The following MED4 variants were observed in gnomAD, a reference collection of about 807,000 sequenced individuals.
MED4 encodes the protein mediator of RNA polymerase II transcription subunit 4.
MED4 carries 21 observed loss-of-function variants against 35.0 expected under a neutral mutation model. The observed-to-expected ratio is 0.60, with a 90% CI of 0.43 to 0.86. The LOEUF (loss-of-function observed/expected upper bound fraction) is 0.86, where lower values mean the gene tolerates loss of function less well. MED4 is among the 40% of genes least tolerant of loss of function. The pLI, the probability that MED4 is intolerant of heterozygous loss-of-function variation, is 0.00. For synonymous variants in MED4, 138 were observed against 114.0 expected (o/e 1.21, Z -1.34); for missense variants, 300 against 319.4 (o/e 0.94, Z 0.46).
intron 4 of MED4, among the ~76,000 whole-genome samples, chr13:48,082,552 G>A (rs1404593457): frequency 6.6e-6 from 1 of 152,206 alleles, no homozygotes; most frequent in Non-Finnish European, 1.5e-5. Context: ...ATTTGGCTGG[G>A]CGCAGTGGCT....
At chr13:48,092,922 G>A (rs749676829) in intron 1 of MED4, among the ~76,000 whole-genome samples, 8 of 152,100 alleles carry the variant, frequency 5.3e-5, no homozygotes, top group Non-Finnish European at 1.0e-4. Context: ...TGCCTTAGGC[G>A]CCGGAGTAGA....
At chr13:48,090,105 A>T (rs1950880287) in intron 2 of MED4, among the ~76,000 whole-genome samples, 1 of 152,210 alleles carries the variant, frequency 6.6e-6, no homozygotes, top group South Asian at 2.1e-4. Flanking sequence ...TGTGACTAGA[A>T]TTGTAAGAGA....
Position 48,094,999 on chromosome 13 carries a change from C to A in MED4, c.80G>T (p.Arg27Leu), listed in dbSNP as rs1249248296. 6.2e-7 allele frequency: 1 copy of A among 1,604,104 alleles called. No homozygotes were observed. The highest frequency in any genetic ancestry group is 1.7e-5 in the Admixed American group (1 of 60,016). ...GLGVAGGNST[R>L]ERLLSALEDL... ...CTCAAGCGCAGACAGCAGCCGCTCT[C>A]GTGTGCTGTTACCACCCGCCACTCC... The change falls in exon 1 of 7, where the codon CGA becomes CTA. Residue 27 changes from arginine to leucine, a missense_variant. Arg to Leu is a moderately radical substitution (Grantham distance 102). Transcript: ENST00000258648.
At chr13:48,092,209 A>G (rs1950894667) in intron 1 of MED4, among the ~76,000 whole-genome samples, 1 of 152,246 alleles carries the variant, frequency 6.6e-6, no homozygotes, top group African/African-American at 2.4e-5. Flanking sequence ...CCGGGTTCAA[A>G]GAATTCTCCT....
chr13:48,086,366 C>T lies in MED4; in HGVS notation c.279G>A (p.Met93Ile). 1 of 1,613,568 alleles carries T rather than the reference C, an allele frequency of 6.2e-7. No individual in the cohort carries two copies. Among genetic ancestry groups the T allele is most frequent in the Non-Finnish European group, 8.5e-7 (1 of 1,179,826 alleles). Reference protein sequence around the residue: ...ALNQGKIHHEMQVLEKEVEKR... With the variant: ...ALNQGKIHHEIQVLEKEVEKR... Reference sequence around the variant, plus strand: ...TCTCTACTTCTTTTTCTAAAACTTGCATTTCATGATGAATTTTTCCCTGAT... The same window carrying T: ...TCTCTACTTCTTTTTCTAAAACTTGTATTTCATGATGAATTTTTCCCTGAT... The change falls in exon 3 of 7, where the codon ATG becomes ATA. Residue 93 changes from methionine (M) to isoleucine (I), a missense_variant. Coordinates refer to ENST00000258648, the MANE Select transcript of MED4 (RefSeq NM_014166.4).
intron 5 of MED4, among the ~76,000 whole-genome samples, chr13:48,080,756 C>A (rs1335407402): frequency 2.0e-5 from 3 of 147,590 alleles, no homozygotes; most frequent in Non-Finnish European, 4.5e-5. Context: ...TTTTTTTTTA[C>A]ATTTTTCATC....
At chr13:48,093,771 T>A in intron 1 of MED4, 3 of 230,926 alleles carry the variant, frequency 1.3e-5, no homozygotes, top group Non-Finnish European at 2.7e-5. Flanking sequence ...TTTTCTTCCA[T>A]CATTAAATAT....
chr13:48,081,614 A>G (rs41287445), intron 5 of MED4, 31 bp downstream of exon 5: 3 of 1,496,630 alleles, frequency 2.0e-6, no homozygotes, highest in Non-Finnish European at 2.8e-6. Context: ...AAAACCACAT[A>G]TATCTAGTAT....
intron 4 of MED4, 35 bp from the exon 5 acceptor site, chr13:48,081,766 G>C (rs758319910): frequency 2.2e-6 from 3 of 1,339,856 alleles, no homozygotes; most frequent in South Asian, 2.7e-5. Context: ...ATAACCTGTA[G>C]TCTAACAAAC....
chr13:48,093,317 C>T (rs1211206317), intron 1 of MED4, among the ~76,000 whole-genome samples: 1 of 152,064 alleles, frequency 6.6e-6, no homozygotes, highest in Non-Finnish European at 1.5e-5. Flanking sequence ...AGACTATCTC[C>T]TTGCATTACA....
chr13:48,086,390 A>G lies in MED4; in HGVS notation c.255T>C (p.Asn85=). 6.2e-7 allele frequency: 1 copy of G among 1,613,132 alleles called. No individual in the cohort carries two copies. Among genetic ancestry groups the G allele is most frequent in the Non-Finnish European group, 8.5e-7 (1 of 1,179,776 alleles). ...EFQELMKLAL[N]QGKIHHEMQV... is the part of the protein sequence containing the mutation. ...GCATTTCATGATGAATTTTTCCCTG[A>G]TTAAGTGCCAATTTCATTAGTTCTT... Residue 85 remains asparagine, a synonymous_variant, in exon 3 of 7, where the codon AAT becomes AAC. Coordinates refer to ENST00000258648, the MANE Select transcript of MED4 (RefSeq NM_014166.4).
At chr13:48,094,822 C>T in intron 1 of MED4, 132 bp downstream of exon 1, 1 of 1,331,022 alleles carries the variant, frequency 7.5e-7, no homozygotes. Flanking sequence ...GTCCATGACC[C>T]TCATGCACCC....
chr13:48,089,524 G>A (rs1950875529), intron 2 of MED4, among the ~76,000 whole-genome samples: 1 of 152,142 alleles, frequency 6.6e-6, no homozygotes, highest in African/African-American at 2.4e-5. Flanking sequence ...CTTGAGGACA[G>A]GAGTTCAAGA....
intron 3 of MED4, 79 bp from the exon 4 acceptor site, chr13:48,083,507 C>G (rs1950825755): frequency 9.1e-7 from 1 of 1,093,396 alleles, no homozygotes. Flanking sequence ...TTCACAAGAT[C>G]CTTTAGCCTA....
intron 1 of MED4, among the ~76,000 whole-genome samples, chr13:48,091,261 T>C (rs1358126520): frequency 6.6e-6 from 1 of 152,184 alleles, no homozygotes; most frequent in Non-Finnish European, 1.5e-5. Context: ...AATATGACAA[T>C]TTCCCTGTAT....
At chr13:48,085,038 T>G (rs1227688651) in intron 3 of MED4, among the ~76,000 whole-genome samples, 2 of 151,826 alleles carry the variant, frequency 1.3e-5, no homozygotes, top group Non-Finnish European at 2.9e-5. Context: ...AGCTAAATTT[T>G]TTTGTATTTT....
intron 5 of MED4, among the ~76,000 whole-genome samples, chr13:48,080,788 C>T (rs1950802621): frequency 6.7e-6 from 1 of 149,104 alleles, no homozygotes; most frequent in East Asian, 2.0e-4. Context: ...CTTTTATTTT[C>T]CTCATGCCAC....
At chr13:48,077,795 G>A (rs1208841171) in intron 6 of MED4, among the ~76,000 whole-genome samples, 1 of 151,928 alleles carries the variant, frequency 6.6e-6, no homozygotes, top group Non-Finnish European at 1.5e-5. Context: ...TTAGCAACTG[G>A]GGACTTTTTT....
chr13:48,077,343 G>C, intron 6 of MED4, 32 bp from the exon 7 acceptor site: 2 of 1,390,048 alleles, frequency 1.4e-6, no homozygotes, highest in Non-Finnish European at 1.9e-6. Context: ...GATAAGAACA[G>C]CTCTATCTGT....
Sources: gnomAD v4.1 joint callset for allele counts (sites outside exome capture counted in the v4.1 genomes callset) on GRCh38, gnomAD v4.1.1 for gene constraint, MANE v1.5 for transcripts, NCBI Gene and HGNC (gene_info 2026-07-23, HGNC 2026-07-21) for gene names.